ENTREP1: variants seen among roughly 807,000 people sequenced by gnomAD.
The protein encoded by ENTREP1 is endosomal transmembrane epsin interactor 1, also known as Friedreich ataxia region gene X123.
At chr9:69,381,206 G>GC in the ENTREP1 span, 77 of 152,314 alleles carry the variant, frequency 5.1e-4, no homozygotes, top group African/African-American at 1.8e-3. Flanking sequence ...ACTTGAAAGA[G>GC]CCAGGCTCTA....
the ENTREP1 span, chr9:69,381,690 T>C: frequency 6.6e-6 from 1 of 152,336 alleles, no homozygotes; most frequent in Admixed American, 6.5e-5. Context: ...CCTGCCAGTA[T>C]GTAGCAGATC....
the ENTREP1 span, among the ~76,000 whole-genome samples, chr9:69,339,544 T>C: frequency 1.3e-5 from 2 of 152,134 alleles, no homozygotes; most frequent in African/African-American, 4.8e-5. Flanking sequence ...TAATGGATAT[T>C]TTTTCTCCAT....
chr9:69,324,805 C>T, the ENTREP1 span: 1 of 985,204 alleles, frequency 1.0e-6, no homozygotes, highest in African/African-American at 1.7e-5. Context: ...GCCAGGGCCT[C>T]TCTCGTGGCT....
the ENTREP1 span, chr9:69,392,248 G>A: frequency 6.3e-3 from 1,201 of 190,652 alleles, 5 homozygotes; most frequent in Non-Finnish European, 9.8e-3. Context: ...GAAATAAGGC[G>A]ATTAACCCTA....
the ENTREP1 span, among the ~76,000 whole-genome samples, chr9:69,340,587 A>G: frequency 7.4e-6 from 1 of 134,506 alleles, no homozygotes; most frequent in African/African-American, 2.8e-5. Context: ...GCTAGGAAGT[A>G]TGTGTGCATG....
chr9:69,371,709 A>G, the ENTREP1 span: 2 of 800,886 alleles, frequency 2.5e-6, no homozygotes, highest in Admixed American at 3.8e-5. Flanking sequence ...AACTGTCCTG[A>G]AGTGAAACCT....
the ENTREP1 span, among the ~76,000 whole-genome samples, chr9:69,351,154 C>G: frequency 6.6e-6 from 1 of 152,186 alleles, no homozygotes; most frequent in Admixed American, 6.5e-5. Flanking sequence ...GAAATAACAT[C>G]TACAACTTAA....
the ENTREP1 span, among the ~76,000 whole-genome samples, chr9:69,364,289 G>A: frequency 2.0e-4 from 31 of 151,944 alleles, no homozygotes; most frequent in African/African-American, 7.2e-4. Flanking sequence ...ATTGGCCTAA[G>A]ATATCACAGC....
the ENTREP1 span, among the ~76,000 whole-genome samples, chr9:69,337,068 G>A: frequency 2.9e-5 from 4 of 136,166 alleles, no homozygotes; most frequent in Non-Finnish European, 6.1e-5. Context: ...AGGCTGGAGT[G>A]CAGTGGCACG....
At chr9:69,369,526 T>G in the ENTREP1 span, among the ~76,000 whole-genome samples, 2 of 152,174 alleles carry the variant, frequency 1.3e-5, no homozygotes, top group African/African-American at 4.8e-5. Context: ...ATTGCCATTC[T>G]AACTGGCATG....
At chr9:69,388,225 T>A in the ENTREP1 span, 1 of 1,614,140 alleles carries the variant, frequency 6.2e-7, no homozygotes, top group Non-Finnish European at 8.5e-7. Flanking sequence ...CTGCAGTGAC[T>A]CTGAGGAGAG....
the ENTREP1 span, among the ~76,000 whole-genome samples, chr9:69,363,044 G>A: frequency 6.6e-6 from 1 of 152,120 alleles, no homozygotes; most frequent in East Asian, 1.9e-4. Context: ...ATACACGCAT[G>A]TCGCCAGTGC....
At chr9:69,362,078 C>T in the ENTREP1 span, among the ~76,000 whole-genome samples, 1 of 152,124 alleles carries the variant, frequency 6.6e-6, no homozygotes, top group Non-Finnish European at 1.5e-5. Flanking sequence ...AAGTGTTAAA[C>T]TATTCTGCCT....
chr9:69,381,610 G>C, the ENTREP1 span: 1 of 152,220 alleles, frequency 6.6e-6, no homozygotes, highest in Non-Finnish European at 1.5e-5. Context: ...TGCCAGGACT[G>C]AGAGCCATGG....
the ENTREP1 span, among the ~76,000 whole-genome samples, chr9:69,375,072 A>G: frequency 6.6e-6 from 1 of 152,190 alleles, no homozygotes; most frequent in Non-Finnish European, 1.5e-5. Flanking sequence ...AAGGGACTGA[A>G]TTTCACCCAT....
the ENTREP1 span, among the ~76,000 whole-genome samples, chr9:69,374,580 AGAGT>A: frequency 2.6e-5 from 4 of 152,196 alleles, no homozygotes; most frequent in Non-Finnish European, 4.4e-5. Context: ...TGATGAAGCC[AGAGT>A]GAGAGCTTGC....
At chr9:69,385,758 C>T in the ENTREP1 span, 588,188 of 1,435,464 alleles carry the variant, frequency 0.41, 123,190 homozygotes, top group African/African-American at 0.57. Context: ...ATTTATGTTT[C>T]GCCTCTTTTT....
the ENTREP1 span, among the ~76,000 whole-genome samples, chr9:69,351,211 C>A: frequency 2.6e-5 from 4 of 152,070 alleles, no homozygotes; most frequent in Non-Finnish European, 5.9e-5. Flanking sequence ...AAATAGATTA[C>A]CCAGTAATCT....
chr9:69,340,719 ATGCATGTGTGTGTGTATGTGTGTGTGTT>A, the ENTREP1 span, among the ~76,000 whole-genome samples: 4 of 60,944 alleles, frequency 6.6e-5, no homozygotes, highest in Admixed American at 1.8e-4. Flanking sequence ...GTGTGTGTGC[ATGCATGTGTGTGTGTATGTGTGTGTGTT>A]TGTGTGTGTG....
Sources: gnomAD v4.1 joint callset for allele counts (sites outside exome capture counted in the v4.1 genomes callset) on GRCh38, gnomAD v4.1.1 for gene constraint, MANE v1.5 for transcripts, NCBI Gene and HGNC (gene_info 2026-07-23, HGNC 2026-07-21) for gene names.